The following PDE3B variants were observed in gnomAD, a reference collection of about 807,000 sequenced individuals.
PDE3B encodes the protein phosphodiesterase 3B.
PDE3B carries 66 observed loss-of-function variants against 116.8 expected under a neutral mutation model. That is an observed-to-expected ratio of 0.56 (90% CI 0.46 to 0.69). The LOEUF is 0.69. Among genes scored for constraint, PDE3B ranks in the 30% least tolerant of loss-of-function variants. PDE3B has a pLI of 0.00. For missense variants in PDE3B, 1,384 were observed against 1,368.1 expected (o/e 1.01, Z -0.18); for synonymous variants, 595 against 533.6 (o/e 1.12, Z -1.59).
intron 12 of PDE3B, among the ~76,000 whole-genome samples, chr11:14,847,842 A>G (rs1315689726): frequency 6.6e-6 from 1 of 152,162 alleles, no homozygotes; most frequent in African/African-American, 2.4e-5. Flanking sequence ...TGTGGCAATA[A>G]TCAATAGCTT....
chr11:14,662,071 C>G (rs1435423503), intron 1 of PDE3B, among the ~76,000 whole-genome samples: 3 of 152,170 alleles, frequency 2.0e-5, no homozygotes, highest in Non-Finnish European at 2.9e-5. Flanking sequence ...TAGGGGCAGA[C>G]TGACACTTCA....
At chr11:14,734,880 A>C (rs1384990222) in intron 1 of PDE3B, among the ~76,000 whole-genome samples, 2 of 152,166 alleles carry the variant, frequency 1.3e-5, no homozygotes, top group African/African-American at 2.4e-5. Context: ...ATTAATACTG[A>C]TTCTATCTTA....
chr11:14,664,638 G>C (rs1257730439), intron 1 of PDE3B, among the ~76,000 whole-genome samples: 3 of 152,086 alleles, frequency 2.0e-5, no homozygotes, highest in Non-Finnish European at 4.4e-5. Flanking sequence ...ACTACAAACA[G>C]CTCTAAGCAA....
intron 5 of PDE3B, among the ~76,000 whole-genome samples, chr11:14,805,203 G>A (rs1348600591): frequency 1.3e-5 from 2 of 152,072 alleles, no homozygotes; most frequent in African/African-American, 4.8e-5. Context: ...TATGAATCAA[G>A]CCTCCAAATT....
At chr11:14,845,164 C>A (rs1367613668) in intron 12 of PDE3B, among the ~76,000 whole-genome samples, 1 of 151,976 alleles carries the variant, frequency 6.6e-6, no homozygotes, top group Non-Finnish European at 1.5e-5. Context: ...GATCAGACAG[C>A]AGCGTTCACG....
chr11:14,845,174 G>A (rs1186139819), intron 12 of PDE3B, among the ~76,000 whole-genome samples: 2 of 151,794 alleles, frequency 1.3e-5, no homozygotes, highest in East Asian at 1.9e-4. Flanking sequence ...CAGCGTTCAC[G>A]GTTCACGAAA....
At position 14,831,647 on chromosome 11, in the gene PDE3B, A is replaced by G. The variant is rs200156995; in HGVS notation, c.1964A>G (p.Gln655Arg). ...AQSEQQTNIEQEVSLDLILVE... is the reference protein window; with the variant it reads ...AQSEQQTNIEREVSLDLILVE... Reference sequence around the variant, plus strand: ...GTTTCCCTGTATGTACAGATTGAACAGGAAGTATCACTGGACCTGATTTTA... The same window carrying G: ...GTTTCCCTGTATGTACAGATTGAACGGGAAGTATCACTGGACCTGATTTTA... The change falls in exon 9 of 16, where the codon CAG becomes CGG. Residue 655 changes from glutamine to arginine, a missense_variant. This residue lies in a region of PDE3B where 428 missense variants were observed against 561.4 expected (regional missense o/e 0.76). Coordinates refer to ENST00000282096, the MANE Select transcript of PDE3B (RefSeq NM_000922.4). 9 of 1,575,612 alleles carry G rather than the reference A, an allele frequency of 5.7e-6. No individual in the cohort carries two copies. In the Admixed American group the frequency reaches 7.2e-5, roughly 13 times the overall value.
rs2133964170 is a variant in PDE3B, at chr11:14,832,849, T to A, written c.2206+16T>A. On this transcript the variant is annotated intron_variant, in intron 10 of 15. Coordinates refer to ENST00000282096, the MANE Select transcript of PDE3B (RefSeq NM_000922.4). ...GACATTCCTTGTAAGTATTAACATA[T>A]TTTATTATTTAAGTTCAAATAATAT... The A allele has an allele frequency of 3.7e-6, 4 of 1,088,912 alleles. No individual in the cohort carries two copies. In the East Asian group the frequency reaches 9.8e-5, roughly 27 times the overall value. The allele number at this position is 1,088,912 out of a possible 1,614,324, so 67.5% of individuals were successfully genotyped here. A position where few individuals can be genotyped will look rare whatever the true frequency, so the allele number is the denominator to read the frequency against.
chr11:14,875,451 A>G (rs1303748389), downstream of PDE3B, among the ~76,000 whole-genome samples: 2 of 152,196 alleles, frequency 1.3e-5, no homozygotes, highest in East Asian at 3.8e-4. Context: ...CACTTGTTGA[A>G]TAAGAAATTA....
At chr11:14,713,757 TG>T in intron 1 of PDE3B, among the ~76,000 whole-genome samples, 1 of 152,000 alleles carries the variant, frequency 6.6e-6, no homozygotes, top group Admixed American at 6.6e-5. Flanking sequence ...TCTGTTTCCC[TG>T]GAGAACTGTA....
At chr11:14,647,823 TG>T (rs1310061689) in intron 1 of PDE3B, among the ~76,000 whole-genome samples, 1 of 152,016 alleles carries the variant, frequency 6.6e-6, no homozygotes, top group Non-Finnish European at 1.5e-5. Flanking sequence ...TATATTACTG[TG>T]TTGAAAAATA....
At chr11:14,671,824 T>G (rs995851485) in intron 1 of PDE3B, among the ~76,000 whole-genome samples, 8 of 151,694 alleles carry the variant, frequency 5.3e-5, no homozygotes, top group African/African-American at 1.9e-4. Context: ...GGCCAGGAGT[T>G]TGAGACCAGT....
intron 1 of PDE3B, among the ~76,000 whole-genome samples, chr11:14,668,126 G>A (rs192723746): frequency 1.3e-4 from 20 of 152,064 alleles, no homozygotes; most frequent in African/African-American, 2.2e-4. Flanking sequence ...AAGAGGACAC[G>A]TATGCTGTCT....
At chr11:14,646,372 T>C (rs1853407894) in intron 1 of PDE3B, among the ~76,000 whole-genome samples, 1 of 152,236 alleles carries the variant, frequency 6.6e-6, no homozygotes, top group Non-Finnish European at 1.5e-5. Flanking sequence ...TGCTTCTTGA[T>C]TTGGCTTCAG....
chr11:14,766,052 C>T (rs943887511), intron 1 of PDE3B, among the ~76,000 whole-genome samples: 7 of 151,468 alleles, frequency 4.6e-5, no homozygotes, highest in Non-Finnish European at 8.9e-5. Flanking sequence ...GCCAACTATG[C>T]ATTCCGTATG....
intron 1 of PDE3B, among the ~76,000 whole-genome samples, chr11:14,759,279 C>T (rs1050121081): frequency 6.6e-6 from 1 of 152,112 alleles, no homozygotes; most frequent in African/African-American, 2.4e-5. Context: ...TGATGCTGGC[C>T]TCATAAAATG....
At chr11:14,687,462 A>C (rs1854909556) in intron 1 of PDE3B, among the ~76,000 whole-genome samples, 1 of 152,212 alleles carries the variant, frequency 6.6e-6, no homozygotes, top group Admixed American at 6.5e-5. Flanking sequence ...ATATGAAGCA[A>C]ACTGCTAATG....
At chr11:14,811,727 TG>T (rs1308806846) in intron 5 of PDE3B, among the ~76,000 whole-genome samples, 17 of 152,050 alleles carry the variant, frequency 1.1e-4, no homozygotes, top group Admixed American at 3.9e-4. Context: ...TAAATTACCT[TG>T]GGCAGTATGG....
intron 11 of PDE3B, among the ~76,000 whole-genome samples, chr11:14,835,563 A>G (rs1860029172): frequency 6.6e-6 from 1 of 152,200 alleles, no homozygotes; most frequent in South Asian, 2.1e-4. Context: ...AAACTTTTAT[A>G]AACAAATTTT....
Sources: gnomAD v4.1 joint callset for allele counts (sites outside exome capture counted in the v4.1 genomes callset) on GRCh38, gnomAD v4.1.1 for gene constraint, gnomAD v4.1.1 regional missense constraint, MANE v1.5 for transcripts, NCBI Gene and HGNC (gene_info 2026-07-23, HGNC 2026-07-21) for gene names.